GRID2: variants seen among roughly 807,000 people sequenced by gnomAD.
The protein encoded by GRID2 is glutamate ionotropic receptor delta type subunit 2.
Under a neutral mutation model 114.8 loss-of-function variants are expected in GRID2, and 33 were observed. That is an observed-to-expected ratio of 0.29 (90% CI 0.22 to 0.38). GRID2 has a LOEUF of 0.38. Among genes scored for constraint, GRID2 ranks in the 10% least tolerant of loss-of-function variants. The pLI, the probability that GRID2 is intolerant of heterozygous loss-of-function variation, is 1.00. For synonymous variants in GRID2, 505 were observed against 449.9 expected, an observed-to-expected ratio of 1.12 and a Z score of -1.55; for missense variants, 1,184 against 1,257.7, an observed-to-expected ratio of 0.94 and a Z score of 0.89.
intron 1 of GRID2, among the ~76,000 whole-genome samples, chr4:92,473,696 C>T (rs529359023): frequency 7.2e-5 from 11 of 152,060 alleles, no homozygotes; most frequent in Admixed American, 5.2e-4. Flanking sequence ...TGTTAGCTAT[C>T]GCGTTCTAAA....
chr4:93,455,363 G>A (rs953870052), intron 10 of GRID2, among the ~76,000 whole-genome samples: 3 of 151,866 alleles, frequency 2.0e-5, no homozygotes, highest in Admixed American at 1.3e-4. Context: ...AATGACCCAC[G>A]AAAAAAGACA....
intron 2 of GRID2, among the ~76,000 whole-genome samples, chr4:93,055,365 G>T (rs943050828): frequency 6.6e-6 from 1 of 150,700 alleles, no homozygotes; most frequent in Non-Finnish European, 1.5e-5. Flanking sequence ...TTCTTCACTT[G>T]CCCACAGAGG....
intron 2 of GRID2, among the ~76,000 whole-genome samples, chr4:92,764,348 G>A (rs963773582): frequency 6.6e-6 from 1 of 152,156 alleles, no homozygotes; most frequent in Non-Finnish European, 1.5e-5. Context: ...AAGGAAGGAG[G>A]CATGTAAATT....
At chr4:93,484,259 C>A (rs1726158329) in intron 11 of GRID2, among the ~76,000 whole-genome samples, 1 of 151,846 alleles carries the variant, frequency 6.6e-6, no homozygotes, top group Admixed American at 6.6e-5. Context: ...TCCTTTTCCT[C>A]AATCATTTTT....
intron 4 of GRID2, among the ~76,000 whole-genome samples, chr4:93,196,753 C>T (rs1169024793): frequency 1.3e-5 from 2 of 152,122 alleles, no homozygotes; most frequent in Non-Finnish European, 1.5e-5. Flanking sequence ...ATCTAAGAAT[C>T]GTCGTCCAAT....
chr4:92,573,806 G>A (rs1727742491), intron 1 of GRID2, among the ~76,000 whole-genome samples: 1 of 152,018 alleles, frequency 6.6e-6, no homozygotes, highest in Non-Finnish European at 1.5e-5. Context: ...GGGGTAGAGA[G>A]TTCTGTAGAT....
intron 13 of GRID2, among the ~76,000 whole-genome samples, chr4:93,522,412 C>T (rs1730427606): frequency 6.6e-6 from 1 of 152,102 alleles, no homozygotes; most frequent in South Asian, 2.1e-4. Flanking sequence ...TAAATTGGGA[C>T]CAGTCAGCAT....
intron 2 of GRID2, among the ~76,000 whole-genome samples, chr4:93,015,542 A>G (rs1722594612): frequency 6.6e-6 from 1 of 152,210 alleles, no homozygotes; most frequent in Admixed American, 6.6e-5. Context: ...CTAATTGCTT[A>G]GATAAGTGCT....
At chr4:93,013,992 C>A (rs1162639360) in intron 2 of GRID2, among the ~76,000 whole-genome samples, 2 of 151,704 alleles carry the variant, frequency 1.3e-5, no homozygotes, top group East Asian at 3.9e-4. Flanking sequence ...AGACTGAATC[C>A]AAGAGATGTA....
chr4:93,777,585 C>G (rs1734392525), downstream of GRID2, among the ~76,000 whole-genome samples: 1 of 152,066 alleles, frequency 6.6e-6, no homozygotes, highest in South Asian at 2.1e-4. Flanking sequence ...TTGGAGAAAC[C>G]CAATACATTC....
At chr4:93,666,479 T>G (rs886851852) in intron 14 of GRID2, among the ~76,000 whole-genome samples, 1 of 152,136 alleles carries the variant, frequency 6.6e-6, no homozygotes, top group African/African-American at 2.4e-5. Context: ...TATGTTAGAT[T>G]TGGGCGATTT....
intron 2 of GRID2, among the ~76,000 whole-genome samples, chr4:92,814,857 G>T (rs1347623620): frequency 6.6e-6 from 1 of 152,040 alleles, no homozygotes; most frequent in Non-Finnish European, 1.5e-5. Flanking sequence ...TAAAGAAGCT[G>T]CATGCTGAGA....
At chr4:92,841,560 G>A (rs1156393506) in intron 2 of GRID2, among the ~76,000 whole-genome samples, 2 of 151,694 alleles carry the variant, frequency 1.3e-5, no homozygotes, top group Non-Finnish European at 1.5e-5. Context: ...TATTAGTTTC[G>A]CTAGAAAAAG....
chr4:93,647,356 C>A lies in GRID2; in HGVS notation c.2360+20921C>A, dbSNP rs998948996. Among the ~76,000 whole-genome samples, 2 of 152,142 alleles carry A rather than the reference C, an allele frequency of 1.3e-5. 1 individual carries two copies. Among genetic ancestry groups the A allele is most frequent in the South Asian group, 4.1e-4 (2 of 4,824 alleles). On this transcript the variant is annotated intron_variant, in intron 14 of 15. Coordinates refer to ENST00000282020, the MANE Select transcript of GRID2 (RefSeq NM_001510.4). ...GCGACATATTTAATGATAGAATGGGCTCCATGATTGCTCAATTCAGAGGTT... is the reference window on the plus strand; with the variant it reads ...GCGACATATTTAATGATAGAATGGGATCCATGATTGCTCAATTCAGAGGTT...
intron 2 of GRID2, among the ~76,000 whole-genome samples, chr4:92,874,027 A>G (rs1745459239): frequency 1.3e-5 from 2 of 152,068 alleles, no homozygotes; most frequent in South Asian, 4.1e-4. Context: ...TCTAATTCTT[A>G]TTAAAGAGCC....
intron 2 of GRID2, among the ~76,000 whole-genome samples, chr4:93,029,906 G>T (rs1724235478): frequency 6.6e-6 from 1 of 152,144 alleles, no homozygotes; most frequent in Non-Finnish European, 1.5e-5. Context: ...TCATGTGCCA[G>T]GCTGCTCTTT....
intron 2 of GRID2, among the ~76,000 whole-genome samples, chr4:92,614,547 G>GT (rs1171183777): frequency 7.3e-5 from 11 of 151,488 alleles, no homozygotes; most frequent in Admixed American, 5.9e-4. Flanking sequence ...CTTTATTTCT[G>GT]TTTTTTCCCT....
At position 92,523,380 on chromosome 4, in the gene GRID2, T is replaced by A. The variant is rs140770151; in HGVS notation, c.89-66751T>A. 3.9e-5 allele frequency among the ~76,000 whole-genome samples: 6 copies of A among 151,954 alleles called. No homozygotes were observed. In the East Asian group the frequency reaches 1.2e-3, roughly 30 times the overall value. On this transcript the variant is annotated intron_variant, in intron 1 of 15. Transcript: ENST00000282020. ...ATTAGAGTAAAATTCTGGGGACAGG[T>A]CCAAGCAGAGCATATAAGTTAAGGC...
intron 2 of GRID2, among the ~76,000 whole-genome samples, chr4:92,617,067 A>G (rs1730037514): frequency 6.6e-6 from 1 of 151,380 alleles, no homozygotes; most frequent in African/African-American, 2.4e-5. Context: ...GGGAACATTC[A>G]ATATCCTCTC....
Sources: gnomAD v4.1 joint callset for allele counts (sites outside exome capture counted in the v4.1 genomes callset) on GRCh38, gnomAD v4.1.1 for gene constraint, MANE v1.5 for transcripts, NCBI Gene and HGNC (gene_info 2026-07-23, HGNC 2026-07-21) for gene names.